ELAC1: variants seen among roughly 807,000 people sequenced by gnomAD.
The protein encoded by ELAC1 is zinc phosphodiesterase ELAC protein 1.
ELAC1 carries 19 observed loss-of-function variants against 25.8 expected under a neutral mutation model. The observed-to-expected ratio is 0.74, with a 90% CI of 0.51 to 1.08. The LOEUF is 1.08. Among genes scored for constraint, ELAC1 ranks in the 50% least tolerant of loss-of-function variants. The pLI, the probability that ELAC1 is intolerant of heterozygous loss-of-function variation, is 0.00. For missense variants in ELAC1, 403 were observed against 434.6 expected, an observed-to-expected ratio of 0.93 and a Z score of 0.65; for synonymous variants, 148 against 160.9, an observed-to-expected ratio of 0.92 and a Z score of 0.61.
Position 50,984,217 on chromosome 18 carries a change from C to G in ELAC1, c.279C>G (p.Ile93Met). Residue 93 changes from isoleucine (I) to methionine (M), a missense_variant, in exon 3 of 4, where the codon ATC becomes ATG. Ile to Met is a conservative substitution (Grantham distance 10, BLOSUM62 1). Transcript: ENST00000269466. ...TGGTGTCCAAACAGCCTATTGAAAT[C>G]TATGGCCCTGTAGGGCTTCGGGACT... ...GSMVSKQPIE[I>M]YGPVGLRDFI... 1 of 1,614,164 alleles carries G rather than the reference C, an allele frequency of 6.2e-7. No homozygotes were observed. The highest frequency in any genetic ancestry group is 8.5e-7 in the Non-Finnish European group (1 of 1,180,018).
At chr18:50,983,725 G>A (rs1351455529) in intron 2 of ELAC1, among the ~76,000 whole-genome samples, 1 of 151,112 alleles carries the variant, frequency 6.6e-6, no homozygotes, top group African/African-American at 2.4e-5. Context: ...CATAGTGGTA[G>A]GGTCTGTAGT....
chr18:50,988,072 CTGAGGTTTCAT>C lies in ELAC1; in HGVS notation c.*991_*1001del, dbSNP rs200758927. The C allele has an allele frequency of 5.3e-5, 8 of 152,290 alleles. No homozygotes were observed. In the East Asian group the frequency reaches 1.3e-3, roughly 26 times the overall value. The allele number at this position is 152,290 out of a possible 1,614,324, so 9.4% of individuals were successfully genotyped here. A position where few individuals can be genotyped will look rare whatever the true frequency, so the allele number is the denominator to read the frequency against. On this transcript the variant is annotated 3_prime_UTR_variant, in exon 4 of 4. Transcript: ENST00000269466. ...AGGTAAAAAATGCTTATCTGTTAAA[CTGAGGTTTCAT>C]TGACGTGTCCCTATTAATAAACGTT...
Position 50,974,516 on chromosome 18 carries a change from G to T in ELAC1, c.112G>T (p.Gly38Trp), listed in dbSNP as rs537596367. The change falls in exon 2 of 4, where the codon GGG becomes TGG. Residue 38 changes from glycine to tryptophan, a missense_variant. Gly to Trp is a radical substitution (Grantham distance 184). Coordinates refer to ENST00000269466, the MANE Select transcript of ELAC1 (RefSeq NM_018696.3). ...CEGECWLFDC[G>W]EGTQTQLMKS... is the part of the protein sequence containing the mutation. The stretch of plus-strand genomic sequence containing the variant: ...AGGCGAGTGCTGGCTCTTTGACTGT[G>T]GGGAGGGAACACAGACACAGCTTAT... The T allele has an allele frequency of 6.2e-7, 1 of 1,613,488 alleles. No individual in the cohort carries two copies. The highest frequency in any genetic ancestry group is 1.3e-5 in the African/African-American group (1 of 74,974).
intron 2 of ELAC1, among the ~76,000 whole-genome samples, chr18:50,979,676 C>G (rs1341306777): frequency 2.6e-5 from 4 of 152,122 alleles, no homozygotes; most frequent in African/African-American, 9.7e-5. Flanking sequence ...CAGGGATCAC[C>G]TAAAGTATCC....
At position 50,974,440 on chromosome 18, in the gene ELAC1, A is replaced by G. The variant is rs761598552; in HGVS notation, c.36A>G (p.Ala12=). The part of the protein sequence containing the change: ...SMDVTFLGTG[A]AYPSPTRGAS... The stretch of plus-strand genomic sequence containing the variant: ...ATGTGACATTCCTGGGGACGGGTGC[A>G]GCATACCCATCTCCAACCCGGGGTG... The change falls in exon 2 of 4, where the codon GCA becomes GCG. Residue 12 remains alanine (A), a synonymous_variant. Transcript: ENST00000269466. 2.5e-6 allele frequency: 4 copies of G among 1,579,308 alleles called. No homozygotes were observed. The highest frequency in any genetic ancestry group is 3.4e-6 in the Non-Finnish European group (4 of 1,163,610).
At chr18:50,970,524 A>G (rs1009699162) in intron 1 of ELAC1, among the ~76,000 whole-genome samples, 2 of 152,166 alleles carry the variant, frequency 1.3e-5, no homozygotes, top group Non-Finnish European at 2.9e-5. Context: ...AGAGTAACAC[A>G]TGAAAGGGAT....
At chr18:50,979,261 G>C (rs984117972) in intron 2 of ELAC1, among the ~76,000 whole-genome samples, 2 of 152,208 alleles carry the variant, frequency 1.3e-5, no homozygotes, top group Non-Finnish European at 2.9e-5. Context: ...AGGTTAGGGA[G>C]TTCGGGCCTG....
chr18:50,974,280 G>A lies in ELAC1; in HGVS notation c.-8-117G>A, dbSNP rs74711507. The A allele has an allele frequency of 6.9e-4, 602 of 872,482 alleles. 5 individuals are homozygous for A. Among genetic ancestry groups the A allele is most frequent in the East Asian group, 6.0e-3 (190 of 31,520 alleles). 54.0% of individuals were successfully genotyped at this position (872,482 alleles called of 1,614,324 possible). The stretch of plus-strand genomic sequence containing the variant: ...TGGATATGTGTGGAATACTATGAGA[G>A]ACCAAGAATCCAGACTGTTCTAAAT... On this transcript the variant is annotated intron_variant, in intron 1 of 3. Coordinates refer to ENST00000269466, the MANE Select transcript of ELAC1 (RefSeq NM_018696.3).
chr18:50,985,266 C>T (rs539369283), intron 3 of ELAC1, among the ~76,000 whole-genome samples: 3 of 152,134 alleles, frequency 2.0e-5, no homozygotes, highest in Non-Finnish European at 2.9e-5. Flanking sequence ...TTTTTGCCAT[C>T]GTTCTTAACC....
chr18:50,983,589 C>T (rs1225838955), intron 2 of ELAC1, among the ~76,000 whole-genome samples: 1 of 151,672 alleles, frequency 6.6e-6, no homozygotes, highest in Non-Finnish European at 1.5e-5. Flanking sequence ...GGGCTAGGCA[C>T]CGTAATCCCA....
At chr18:50,971,908 GTGTGTATATATATATATATATATA>G (rs1486353616) in intron 1 of ELAC1, among the ~76,000 whole-genome samples, 2 of 127,282 alleles carry the variant, frequency 1.6e-5, no homozygotes, top group African/African-American at 6.8e-5. Context: ...GTGTGTGTGT[GTGTGTATATATATATATATATATA>G]TATATATATA....
chr18:50,986,947 C>T lies in ELAC1; in HGVS notation c.954C>T (p.Tyr318=). The part of the protein sequence containing the change: ...RLVLTHFSQR[Y]KPVALAREGE... ...TTCTGACTCACTTCAGTCAGAGGTA[C>T]AAACCAGTTGCCTTGGCCAGAGAAG... Residue 318 remains tyrosine, a synonymous_variant, in exon 4 of 4, where the codon TAC becomes TAT. Transcript: ENST00000269466. 1 of 1,613,964 alleles carries T rather than the reference C, an allele frequency of 6.2e-7. No homozygotes were observed. Among genetic ancestry groups the T allele is most frequent in the Non-Finnish European group, 8.5e-7 (1 of 1,179,940 alleles).
intron 2 of ELAC1, among the ~76,000 whole-genome samples, chr18:50,977,604 C>G (rs1907827255): frequency 6.6e-6 from 1 of 152,206 alleles, no homozygotes; most frequent in Middle Eastern, 3.2e-3. Context: ...GGAGGGGCTG[C>G]TGTGAAGACC....
intron 2 of ELAC1, among the ~76,000 whole-genome samples, chr18:50,983,156 T>G (rs897907065): frequency 8.0e-5 from 4 of 50,012 alleles, no homozygotes; most frequent in Non-Finnish European, 1.4e-4. Context: ...TTACTTGGTG[T>G]TTTTTTTTTT....
At position 50,968,066 on chromosome 18, in the gene ELAC1, G is replaced by A. The variant is rs1236461585; in HGVS notation, c.-57G>A. On this transcript the variant is annotated 5_prime_UTR_variant, in exon 1 of 4. The change creates a new upstream start codon in the 5' untranslated region. Coordinates refer to ENST00000269466, the MANE Select transcript of ELAC1 (RefSeq NM_018696.3). ...TAGCCCCGCGGACAGCTGGGCCAGG[G>A]TGCGGGCCTGCGCCTCCCTCGGCTC... 1 of 152,078 alleles carries A rather than the reference G, an allele frequency of 6.6e-6. No individual in the cohort carries two copies. 9.4% of individuals were successfully genotyped at this position (152,078 alleles called of 1,614,324 possible). A position where few individuals can be genotyped will look rare whatever the true frequency, so the allele number is the denominator to read the frequency against.
At chr18:50,978,340 A>T (rs932552743) in intron 2 of ELAC1, among the ~76,000 whole-genome samples, 2 of 149,268 alleles carry the variant, frequency 1.3e-5, no homozygotes, top group African/African-American at 5.1e-5. Flanking sequence ...AATTTATTTA[A>T]AAAAAAAAGA....
chr18:50,986,079 G>A (rs1258899735), intron 3 of ELAC1, among the ~76,000 whole-genome samples: 1 of 128,712 alleles, frequency 7.8e-6, no homozygotes, highest in African/African-American at 3.0e-5. Flanking sequence ...GCAGTGGTGT[G>A]ATCTCAGCTC....
intron 2 of ELAC1, among the ~76,000 whole-genome samples, chr18:50,983,161 T>TTG (rs1555681516): frequency 3.2e-5 from 4 of 126,166 alleles, no homozygotes; most frequent in African/African-American, 1.0e-4. Context: ...TGGTGTTTTT[T>TTG]TTTTTTTTTT....
intron 2 of ELAC1, among the ~76,000 whole-genome samples, chr18:50,976,265 G>A (rs1218679146): frequency 1.3e-5 from 2 of 152,098 alleles, no homozygotes; most frequent in Non-Finnish European, 2.9e-5. Context: ...CAGTTCCAAG[G>A]CAATTGCAGT....
Sources: allele counts gnomAD v4.1 joint callset (sites outside exome capture counted in the v4.1 genomes callset), GRCh38; gene constraint gnomAD v4.1.1; transcripts MANE v1.5; gene names NCBI Gene and HGNC (gene_info 2026-07-23, HGNC 2026-07-21).